The following ASIC2 variants were observed in gnomAD, a reference collection of about 807,000 sequenced individuals.
ASIC2 encodes acid sensing ion channel subunit 2, also known as acid-sensing ion channel 2.
Under a neutral mutation model 57.3 loss-of-function variants are expected in ASIC2, and 25 were observed. The ratio of observed to expected loss-of-function variants is 0.44; its 90% CI spans 0.32 to 0.61. The LOEUF (loss-of-function observed/expected upper bound fraction) is 0.61, where lower values mean the gene tolerates loss of function less well. Ranked by LOEUF, ASIC2 falls within the 20% of genes least tolerant of loss-of-function variation. ASIC2 has a pLI of 0.06. For synonymous variants in ASIC2, 319 were observed against 307.5 expected (o/e 1.04, Z -0.39); for missense variants, 641 against 738.1 (o/e 0.87, Z 1.52).
intron 1 of ASIC2, among the ~76,000 whole-genome samples, chr17:33,357,459 C>T (rs1384851151): frequency 6.6e-6 from 1 of 152,146 alleles, no homozygotes; most frequent in Non-Finnish European, 1.5e-5. Context: ...TAGTTATTTC[C>T]TTGAGCTCAG....
At chr17:33,634,222 T>C (rs1277539524) in intron 1 of ASIC2, among the ~76,000 whole-genome samples, 1 of 152,252 alleles carries the variant, frequency 6.6e-6, no homozygotes. Context: ...GCCATAGGGC[T>C]GTCATCTATG....
intron 1 of ASIC2, among the ~76,000 whole-genome samples, chr17:33,962,107 A>G (rs963948007): frequency 6.6e-6 from 1 of 152,232 alleles, no homozygotes; most frequent in Non-Finnish European, 1.5e-5. Context: ...ATGCAAGCCC[A>G]TGAACAAGTC....
chr17:33,598,696 A>G (rs189978968), intron 1 of ASIC2, among the ~76,000 whole-genome samples: 65 of 152,286 alleles, frequency 4.3e-4, no homozygotes, highest in Non-Finnish European at 5.9e-4. Flanking sequence ...TCTTGCATGT[A>G]TAGAGCCTAT....
chr17:33,846,276 C>G (rs749799941), intron 1 of ASIC2, among the ~76,000 whole-genome samples: 1 of 152,116 alleles, frequency 6.6e-6, no homozygotes, highest in Non-Finnish European at 1.5e-5. Flanking sequence ...ATTCAGCTGA[C>G]AGTAAACAAC....
intron 1 of ASIC2, among the ~76,000 whole-genome samples, chr17:33,616,819 G>A (rs2142018713): frequency 6.6e-6 from 1 of 152,346 alleles, no homozygotes; most frequent in South Asian, 2.1e-4. Flanking sequence ...GCAGTTGTGT[G>A]GGCACAAGTG....
At position 33,710,027 on chromosome 17, in the gene ASIC2, A is replaced by G. The variant is rs367701083; in HGVS notation, c.555+445951T>C. Among the ~76,000 whole-genome samples the G allele has an allele frequency of 8.5e-5, 13 of 152,194 alleles. 1 individual carries two copies. The East Asian group carries it at 1.5e-3, about 18-fold the overall frequency. On this transcript the variant is annotated intron_variant, in intron 1 of 9. Transcript: ENST00000359872. ...CCTAACATCTGTCTCCACACATGCCATGAATTAATTATCTCTGCCTCCAAG... is the reference window on the plus strand; with the variant it reads ...CCTAACATCTGTCTCCACACATGCCGTGAATTAATTATCTCTGCCTCCAAG...
At chr17:33,735,271 C>G (rs935079139) in intron 1 of ASIC2, among the ~76,000 whole-genome samples, 1 of 152,174 alleles carries the variant, frequency 6.6e-6, no homozygotes, top group Non-Finnish European at 1.5e-5. Context: ...GTTCCCTGCT[C>G]TAGTCCTTGT....
At chr17:34,106,506 T>C (rs1207763877) in intron 1 of ASIC2, among the ~76,000 whole-genome samples, 1 of 152,178 alleles carries the variant, frequency 6.6e-6, no homozygotes, top group Non-Finnish European at 1.5e-5. Flanking sequence ...CTCCTGTATG[T>C]CTGCATGTAT....
At chr17:34,120,610 A>T (rs1193915189) in intron 1 of ASIC2, among the ~76,000 whole-genome samples, 1 of 151,346 alleles carries the variant, frequency 6.6e-6, no homozygotes, top group Admixed American at 6.6e-5. Context: ...AATCGCAGTA[A>T]CTCAGAAGGT....
chr17:34,142,223 A>C (rs533887018), intron 1 of ASIC2, among the ~76,000 whole-genome samples: 19 of 152,306 alleles, frequency 1.2e-4, no homozygotes, highest in Non-Finnish European at 1.9e-4. Context: ...CATAGTGGGC[A>C]TGCTGGAGAC....
intron 1 of ASIC2, among the ~76,000 whole-genome samples, chr17:33,768,926 C>T (rs1166367745): frequency 1.3e-5 from 2 of 152,168 alleles, no homozygotes; most frequent in Non-Finnish European, 1.5e-5. Flanking sequence ...GCTTCCCTCT[C>T]CTCTGAGAGC....
At chr17:33,143,555 G>A (rs1286242524) in intron 1 of ASIC2, among the ~76,000 whole-genome samples, 1 of 152,138 alleles carries the variant, frequency 6.6e-6, no homozygotes, top group Non-Finnish European at 1.5e-5. Context: ...CAAACAAGCA[G>A]CCCAAGGTCA....
intron 1 of ASIC2, among the ~76,000 whole-genome samples, chr17:33,706,765 G>A (rs1269955978): frequency 4.6e-5 from 7 of 152,084 alleles, no homozygotes; most frequent in Non-Finnish European, 2.9e-5. Flanking sequence ...GAAATAATCT[G>A]TGATTTTCAT....
intron 1 of ASIC2, among the ~76,000 whole-genome samples, chr17:33,370,215 G>A (rs1184341861): frequency 6.6e-6 from 1 of 152,112 alleles, no homozygotes; most frequent in Non-Finnish European, 1.5e-5. Context: ...AATCTAGCCT[G>A]GACAAGCTAC....
chr17:33,405,575 C>T (rs148090612), intron 1 of ASIC2, among the ~76,000 whole-genome samples: 1,891 of 151,514 alleles, frequency 0.012, 42 homozygotes, highest in African/African-American at 0.042. Context: ...CCTCTGCCTC[C>T]TGGGTTCAAG....
At chr17:33,133,057 C>T (rs1161533322) in intron 1 of ASIC2, among the ~76,000 whole-genome samples, 1 of 152,184 alleles carries the variant, frequency 6.6e-6, no homozygotes, top group Non-Finnish European at 1.5e-5. Context: ...CAATAAACAA[C>T]AGCAGAAAGA....
At chr17:33,163,595 C>T (rs1348481109) in intron 1 of ASIC2, among the ~76,000 whole-genome samples, 2 of 152,106 alleles carry the variant, frequency 1.3e-5, no homozygotes, top group African/African-American at 4.8e-5. Context: ...ATTCACTCAT[C>T]CATTCAACAA....
At chr17:33,029,711 T>C (rs2091873661) in intron 3 of ASIC2, among the ~76,000 whole-genome samples, 1 of 152,258 alleles carries the variant, frequency 6.6e-6, no homozygotes, top group Non-Finnish European at 1.5e-5. Flanking sequence ...ACTGCCCAAC[T>C]GTTATCCAAA....
At chr17:33,704,593 A>G (rs1003695023) in intron 1 of ASIC2, among the ~76,000 whole-genome samples, 8 of 152,330 alleles carry the variant, frequency 5.3e-5, no homozygotes, top group African/African-American at 1.9e-4. Flanking sequence ...TCTTATTTAA[A>G]TTCTTTTAAA....
Sources: gnomAD v4.1 joint callset for allele counts (sites outside exome capture counted in the v4.1 genomes callset) on GRCh38, gnomAD v4.1.1 for gene constraint, MANE v1.5 for transcripts, NCBI Gene and HGNC (gene_info 2026-07-23, HGNC 2026-07-21) for gene names.